CNTN5: variants seen among roughly 807,000 people sequenced by gnomAD.
CNTN5 encodes the protein contactin 5.
A neutral mutation model predicts 129.1 loss-of-function variants in CNTN5; 77 were observed. That is an observed-to-expected ratio of 0.60 (90% confidence interval 0.50 to 0.72). The LOEUF (loss-of-function observed/expected upper bound fraction) is 0.72. Among genes scored for constraint, CNTN5 ranks in the 30% least tolerant of loss-of-function variants. The pLI, the probability that CNTN5 is intolerant of heterozygous loss-of-function variation, is 0.00. For synonymous variants in CNTN5, 509 were observed against 465.6 expected, an observed-to-expected ratio of 1.09 and a Z score of -1.20; for missense variants, 1,478 against 1,328.8, an observed-to-expected ratio of 1.11 and a Z score of -1.75.
chr11:100,327,424 C>T (rs1452314255), intron 21 of CNTN5, among the ~76,000 whole-genome samples: 1 of 152,188 alleles, frequency 6.6e-6, no homozygotes, highest in Non-Finnish European at 1.5e-5. Flanking sequence ...CTCCCTTTGC[C>T]TGCTGAACTC....
intron 13 of CNTN5, among the ~76,000 whole-genome samples, chr11:100,133,713 G>A (rs1225099562): frequency 6.6e-6 from 1 of 152,016 alleles, no homozygotes; most frequent in Non-Finnish European, 1.5e-5. Context: ...CAGTGAGCTT[G>A]ACCCCCTTTA....
chr11:99,996,625 A>G (rs1004043966), intron 8 of CNTN5, among the ~76,000 whole-genome samples: 2 of 152,080 alleles, frequency 1.3e-5, no homozygotes, highest in African/African-American at 4.8e-5. Flanking sequence ...CTCCTCAAAT[A>G]TGCATGTATT....
chr11:100,086,620 A>G (rs1362468129), intron 13 of CNTN5, among the ~76,000 whole-genome samples: 3 of 151,422 alleles, frequency 2.0e-5, no homozygotes, highest in Non-Finnish European at 4.4e-5. Flanking sequence ...AACCAAATAT[A>G]TCAGAAATTA....
chr11:99,793,859 G>T, intron 3 of CNTN5, among the ~76,000 whole-genome samples: 1 of 152,088 alleles, frequency 6.6e-6, no homozygotes, highest in African/African-American at 2.4e-5. Flanking sequence ...GGAGTGTGTG[G>T]CATGTGCACA....
chr11:99,362,182 G>A (rs961200297), intron 2 of CNTN5, among the ~76,000 whole-genome samples: 1 of 151,794 alleles, frequency 6.6e-6, no homozygotes, highest in Non-Finnish European at 1.5e-5. Flanking sequence ...CAAGCTTATG[G>A]GTATAAAGTG....
chr11:99,911,373 C>G (rs748106942), intron 6 of CNTN5, among the ~76,000 whole-genome samples: 1 of 151,810 alleles, frequency 6.6e-6, no homozygotes, highest in Non-Finnish European at 1.5e-5. Context: ...TCCAAACACA[C>G]CTCCTATAAG....
At chr11:99,050,050 A>G (rs1864365510) in intron 1 of CNTN5, among the ~76,000 whole-genome samples, 1 of 152,078 alleles carries the variant, frequency 6.6e-6, no homozygotes, top group South Asian at 2.1e-4. Flanking sequence ...TTTTTGTTTT[A>G]TAGCAAACAG....
chr11:99,745,665 T>G (rs908604804), intron 3 of CNTN5, among the ~76,000 whole-genome samples: 1 of 152,208 alleles, frequency 6.6e-6, no homozygotes, highest in African/African-American at 2.4e-5. Flanking sequence ...CAACATAAAT[T>G]TCAAATATTT....
At chr11:99,886,992 G>A (rs969192248) in intron 6 of CNTN5, among the ~76,000 whole-genome samples, 14 of 152,092 alleles carry the variant, frequency 9.2e-5, no homozygotes, top group African/African-American at 1.9e-4. Flanking sequence ...ACAAAAGACC[G>A]ATTATACTAG....
chr11:99,654,708 T>C (rs1346724989), intron 3 of CNTN5, among the ~76,000 whole-genome samples: 2 of 152,130 alleles, frequency 1.3e-5, no homozygotes, highest in African/African-American at 4.8e-5. Flanking sequence ...TGAACATTAA[T>C]TGCATTTTCT....
chr11:99,694,433 C>A (rs1200281099), intron 3 of CNTN5, among the ~76,000 whole-genome samples: 1 of 152,104 alleles, frequency 6.6e-6, no homozygotes, highest in Non-Finnish European at 1.5e-5. Context: ...AAAGTGCTGA[C>A]CCTGCTATAC....
At chr11:100,163,634 T>G (rs910032507) in intron 13 of CNTN5, among the ~76,000 whole-genome samples, 2 of 151,906 alleles carry the variant, frequency 1.3e-5, no homozygotes, top group African/African-American at 2.4e-5. Context: ...TCTGACCTAC[T>G]GCCTACCACA....
At chr11:99,470,827 A>G (rs1342635781) in intron 2 of CNTN5, among the ~76,000 whole-genome samples, 13 of 151,600 alleles carry the variant, frequency 8.6e-5, no homozygotes, top group Non-Finnish European at 1.3e-4. Context: ...TTTTTTTATC[A>G]TTATAGCTAT....
intron 1 of CNTN5, among the ~76,000 whole-genome samples, chr11:99,077,520 A>T (rs1436576203): frequency 1.3e-5 from 2 of 152,180 alleles, no homozygotes; most frequent in African/African-American, 4.8e-5. Flanking sequence ...TCTTACGGAG[A>T]TAGAAAATGA....
chr11:99,869,158 C>T (rs761098734), intron 6 of CNTN5, among the ~76,000 whole-genome samples: 4 of 152,112 alleles, frequency 2.6e-5, no homozygotes, highest in East Asian at 1.9e-4. Context: ...TCATTTCCTC[C>T]GTAGATTTTT....
At chr11:99,642,357 T>A (rs1951801181) in intron 3 of CNTN5, among the ~76,000 whole-genome samples, 1 of 152,222 alleles carries the variant, frequency 6.6e-6, no homozygotes, top group South Asian at 2.1e-4. Flanking sequence ...ATTCTTAATA[T>A]CTTTCAAGTT....
In CNTN5 at chr11:100,265,427, G is replaced by A. The variant is rs528221686; in HGVS notation, c.2165-5665G>A. Among the ~76,000 whole-genome samples the A allele has an allele frequency of 7.9e-5, 12 of 152,160 alleles. 1 individual carries two copies. In the South Asian group the frequency reaches 2.5e-3, roughly 32 times the overall value. On this transcript the variant is annotated intron_variant, in intron 17 of 24. Coordinates refer to ENST00000524871, the MANE Select transcript of CNTN5 (RefSeq NM_014361.4). ...ACAATTTCTTTCATGCCTGTGATGG[G>A]GAAATAAGTCTCTCTGGAGCCACAC...
intron 2 of CNTN5, among the ~76,000 whole-genome samples, chr11:99,455,749 A>C (rs1422983832): frequency 6.6e-6 from 1 of 152,224 alleles, no homozygotes; most frequent in African/African-American, 2.4e-5. Context: ...TTTCCTTTCC[A>C]AAATTACTGA....
Position 99,793,318 on chromosome 11 carries a change from C to T in CNTN5, c.56-26226C>T, listed in dbSNP as rs371486027. On this transcript the variant is annotated intron_variant, in intron 3 of 24. Transcript: ENST00000524871. Reference sequence around the variant, plus strand: ...TCGTGATCCACCTGCCTCGGCCTCCCAAAGTGCTGGGATTACAGGCGTGAG... The same window carrying T: ...TCGTGATCCACCTGCCTCGGCCTCCTAAAGTGCTGGGATTACAGGCGTGAG... Among the ~76,000 whole-genome samples the T allele has an allele frequency of 7.8e-4, 119 of 152,298 alleles. No individual in the cohort carries two copies. In the East Asian group the frequency reaches 0.014, roughly 18 times the overall value.
Sources: allele counts gnomAD v4.1 joint callset (sites outside exome capture counted in the v4.1 genomes callset), GRCh38; gene constraint gnomAD v4.1.1; transcripts MANE v1.5; gene names NCBI Gene and HGNC (gene_info 2026-07-23, HGNC 2026-07-21).